KAT14: variants seen among roughly 807,000 people sequenced by gnomAD.
KAT14 encodes cysteine-rich protein 2-binding protein.
In KAT14, 66 loss-of-function variants were observed where a neutral mutation model predicts 78.4. The observed-to-expected ratio is 0.84, with a 90% CI of 0.69 to 1.03. The LOEUF is 1.03. Ranked by LOEUF, KAT14 falls within the 50% of genes least tolerant of loss-of-function variation. KAT14 has a pLI of 0.00. For synonymous variants in KAT14, 344 were observed against 359.4 expected, an observed-to-expected ratio of 0.96 and a Z score of 0.48; for missense variants, 870 against 972.5, an observed-to-expected ratio of 0.89 and a Z score of 1.40.
chr20:18,139,633 CGTGTGTGTGTGTGTGT>C (rs71194228), intron 1 of KAT14, among the ~76,000 whole-genome samples: 19,166 of 141,670 alleles, frequency 0.14, 1,833 homozygotes, highest in African/African-American at 0.27. Flanking sequence ...ACCAAAATAA[CGTGTGTGTGTGTGTGT>C]GTGTGTGTGT....
intron 7 of KAT14, among the ~76,000 whole-genome samples, chr20:18,165,703 A>T (rs1333289165): frequency 6.6e-6 from 1 of 152,212 alleles, no homozygotes; most frequent in Non-Finnish European, 1.5e-5. Flanking sequence ...GGCCAAGGTC[A>T]CTAGGGAGTC....
chr20:18,161,198 GAAATGCCCATGA>G (rs2038408050), intron 5 of KAT14, among the ~76,000 whole-genome samples: 1 of 149,798 alleles, frequency 6.7e-6, no homozygotes, highest in Non-Finnish European at 1.5e-5. Context: ...AGTACCCATT[GAAATGCCCATGA>G]AAATGCCCAT....
chr20:18,164,735 G>T (rs1265424136), intron 7 of KAT14, among the ~76,000 whole-genome samples: 1 of 151,136 alleles, frequency 6.6e-6, no homozygotes, highest in Non-Finnish European at 1.5e-5. Flanking sequence ...TCCCACCTCA[G>T]CTTCCCAAGT....
At position 18,181,013 on chromosome 20, in the gene KAT14, CAT is replaced by C. The variant is rs59436677; in HGVS notation, c.1669-696_1669-695del. ...AACAGAGCAATCATATAATATGACT[CAT>C]GTGTGTGTTACCTACTTGATACTAG... On this transcript the variant is annotated intron_variant, in intron 7 of 10. Coordinates refer to ENST00000688188, the MANE Select transcript of KAT14 (RefSeq NM_001392073.1). Among the ~76,000 whole-genome samples the C allele has an allele frequency of 4.4e-3, 667 of 152,244 alleles. 3 individuals are homozygous for C. The highest frequency in any genetic ancestry group is 0.013 in the African/African-American group (558 of 41,536).
chr20:18,167,424 T>G (rs901511273), intron 7 of KAT14, among the ~76,000 whole-genome samples: 5 of 152,214 alleles, frequency 3.3e-5, no homozygotes, highest in African/African-American at 9.6e-5. Context: ...TTTAACCCAG[T>G]CTTAACTTGG....
Position 18,187,005 on chromosome 20 carries a change from A to T in KAT14, c.2173-281A>T, listed in dbSNP as rs1207662810. On this transcript the variant is annotated intron_variant, in intron 10 of 10. Transcript: ENST00000688188. ...TTTAAAGGTAATTGAGTTGTAAATA[A>T]TAAAGCTGACAATAACAATATCCCC... 4.6e-5 allele frequency among the ~76,000 whole-genome samples: 7 copies of T among 152,250 alleles called. No homozygotes were observed. The East Asian group carries it at 1.3e-3, about 29-fold the overall frequency.
At chr20:18,149,701 A>C (rs2037965498) in intron 3 of KAT14, among the ~76,000 whole-genome samples, 1 of 152,140 alleles carries the variant, frequency 6.6e-6, no homozygotes, top group South Asian at 2.1e-4. Flanking sequence ...GGCTGGGCGC[A>C]GTGGCTCACA....
At chr20:18,176,039 C>T (rs985997640) in intron 7 of KAT14, among the ~76,000 whole-genome samples, 3 of 149,950 alleles carry the variant, frequency 2.0e-5, no homozygotes. Flanking sequence ...TATGGTGGCT[C>T]ACCCCTGTAA....
intron 7 of KAT14, among the ~76,000 whole-genome samples, chr20:18,179,951 C>T (rs1034638272): frequency 1.3e-5 from 2 of 152,122 alleles, no homozygotes. Context: ...TCACTACAAC[C>T]TCTACCTCCC....
intron 1 of KAT14, among the ~76,000 whole-genome samples, chr20:18,140,957 A>C (rs2037526433): frequency 6.9e-6 from 1 of 144,622 alleles, no homozygotes; most frequent in African/African-American, 2.6e-5. Context: ...TCCCAGGCTG[A>C]GGTGATCCTA....
intron 2 of KAT14, among the ~76,000 whole-genome samples, chr20:18,143,630 T>TA (rs1462846384): frequency 9.2e-5 from 13 of 141,164 alleles, no homozygotes; most frequent in African/African-American, 2.8e-4. Context: ...TTTTTTTATT[T>TA]TATTTTTTTT....
intron 3 of KAT14, among the ~76,000 whole-genome samples, chr20:18,149,519 A>C (rs2037959952): frequency 6.6e-6 from 1 of 152,218 alleles, no homozygotes. Context: ...GGGAAATTGA[A>C]ACTTGGTTAG....
At position 18,159,130 on chromosome 20, in the gene KAT14, G is replaced by C; in HGVS notation, c.547G>C (p.Val183Leu). ...WWSTVAGCLSVGSPMYFRSGA... is the reference protein window; with the variant it reads ...WWSTVAGCLSLGSPMYFRSGA... The stretch of plus-strand genomic sequence containing the variant: ...GAGCACCGTGGCAGGTTGCCTCAGC[G>C]TGGGAAGTCCCATGTACTTCCGTTC... The change falls in exon 5 of 11, where the codon GTG (valine) becomes CTG (leucine). Residue 183 changes from valine to leucine, a missense_variant. Transcript: ENST00000688188. 1 of 1,613,370 alleles carries C rather than the reference G, an allele frequency of 6.2e-7. No individual in the cohort carries two copies. The highest frequency in any genetic ancestry group is 8.5e-7 in the Non-Finnish European group (1 of 1,179,746).
chr20:18,140,719 C>A (rs1600212519), intron 1 of KAT14, among the ~76,000 whole-genome samples: 1 of 140,210 alleles, frequency 7.1e-6, no homozygotes, highest in Admixed American at 7.8e-5. Context: ...GGCTGAGGCA[C>A]AAGAATCGCT....
At chr20:18,166,730 G>A (rs2038655198) in intron 7 of KAT14, among the ~76,000 whole-genome samples, 2 of 152,076 alleles carry the variant, frequency 1.3e-5, no homozygotes, top group South Asian at 2.1e-4. Context: ...GTTTCCTGTG[G>A]CCCATCTTTA....
At chr20:18,171,508 A>G (rs1215997980) in intron 7 of KAT14, among the ~76,000 whole-genome samples, 1 of 152,230 alleles carries the variant, frequency 6.6e-6, no homozygotes, top group Non-Finnish European at 1.5e-5. Context: ...TGTGGGTGAA[A>G]TGCTGTCAAA....
intron 10 of KAT14, among the ~76,000 whole-genome samples, chr20:18,185,063 C>T (rs761870586): frequency 2.6e-5 from 4 of 152,054 alleles, no homozygotes; most frequent in Non-Finnish European, 4.4e-5. Flanking sequence ...GAGAAAATAC[C>T]AAAAGCAAGA....
chr20:18,167,154 A>T (rs978874046), intron 7 of KAT14, among the ~76,000 whole-genome samples: 6 of 151,968 alleles, frequency 3.9e-5, no homozygotes, highest in African/African-American at 1.5e-4. Flanking sequence ...TGCTTTCCAC[A>T]TGGTGTTTGC....
Position 18,184,485 on chromosome 20 carries a change from G to GTTT in KAT14, c.1982-101_1982-99dup, listed in dbSNP as rs374086894. ...TCTCTATGTTACCTCCAGTTTTGGT[G>GTTT]TTTTTTTTTTTTTTTTTTAGCATGC... On this transcript the variant is annotated intron_variant, in intron 9 of 10. Transcript: ENST00000688188. 1.2e-3 allele frequency: 750 copies of GTTT among 601,352 alleles called. 5 individuals are homozygous for GTTT. The highest frequency in any genetic ancestry group is 2.6e-3 in the South Asian group (86 of 33,640). The allele number at this position is 601,352 out of a possible 1,614,324, so 37.3% of individuals were successfully genotyped here.
Sources: allele counts gnomAD v4.1 joint callset (sites outside exome capture counted in the v4.1 genomes callset), GRCh38; gene constraint gnomAD v4.1.1; transcripts MANE v1.5; gene names NCBI Gene and HGNC (gene_info 2026-07-23, HGNC 2026-07-21).